The following TLN2 variants were observed in gnomAD, a reference collection of about 807,000 sequenced individuals.
TLN2 encodes talin-2.
A neutral mutation model predicts 294.7 loss-of-function variants in TLN2; 118 were observed. The observed-to-expected ratio is 0.40, with a 90% CI of 0.34 to 0.47. The LOEUF (loss-of-function observed/expected upper bound fraction) is 0.47, where lower values mean the gene tolerates loss of function less well. Ranked by LOEUF, TLN2 falls within the 20% of genes least tolerant of loss-of-function variation. The probability of loss-of-function intolerance (pLI) is 0.84; values close to 1 mark genes in which losing one functional copy is unlikely to be tolerated. For synonymous variants in TLN2, 1,431 were observed against 1,304.5 expected (o/e 1.10, Z -2.09); for missense variants, 3,083 against 3,282.2 (o/e 0.94, Z 1.48).
chr15:62,776,966 G>C (rs562368964), intron 43 of TLN2, 56 bp downstream of exon 43: 1 of 1,362,550 alleles, frequency 7.3e-7, no homozygotes, highest in Non-Finnish European at 9.5e-7. Flanking sequence ...CATGGGCCTC[G>C]CGTGCTTTTC....
Position 62,783,709 on chromosome 15 carries a change from A to G in TLN2, c.5617-62A>G, listed in dbSNP as rs2064384200. On this transcript the variant is annotated intron_variant, in intron 44 of 58. Coordinates refer to ENST00000636159, the MANE Select transcript of TLN2 (RefSeq NM_015059.3). ...CCAGTGATATTAACACATGGTTCTC[A>G]TGCGTTTCTCTCTGTGTGTGTGTGT... 4.8e-6 allele frequency: 7 copies of G among 1,472,262 alleles called. No homozygotes were observed. The East Asian group carries it at 1.7e-4, about 37-fold the overall frequency. 91.2% of individuals were successfully genotyped at this position (1,472,262 alleles called of 1,614,324 possible). A position where few individuals can be genotyped will look rare whatever the true frequency, so the allele number is the denominator to read the frequency against.
chr15:62,608,219 A>T (rs933163066), intron 2 of TLN2, among the ~76,000 whole-genome samples: 1 of 152,202 alleles, frequency 6.6e-6, no homozygotes, highest in East Asian at 1.9e-4. Flanking sequence ...TTGGAAAAGG[A>T]AAATATGTTT....
At chr15:62,693,598 T>G (rs1424226792) in intron 13 of TLN2, among the ~76,000 whole-genome samples, 1 of 30,476 alleles carries the variant, frequency 3.3e-5, no homozygotes, top group African/African-American at 6.4e-5. Flanking sequence ...ATCTTTGTAG[T>G]TTTCATGTTT....
intron 3 of TLN2, among the ~76,000 whole-genome samples, chr15:62,625,562 G>A (rs1345773625): frequency 6.6e-6 from 1 of 152,180 alleles, no homozygotes; most frequent in Non-Finnish European, 1.5e-5. Context: ...CTGCTCCAGA[G>A]CCAAGAGGAA....
At chr15:62,811,246 T>G (rs2066659613) in intron 52 of TLN2, among the ~76,000 whole-genome samples, 1 of 152,244 alleles carries the variant, frequency 6.6e-6, no homozygotes, top group African/African-American at 2.4e-5. Context: ...GTAGCCAGTC[T>G]GGGGTCACTA....
chr15:62,487,159 C>T (rs1208982811), intron 1 of TLN2, among the ~76,000 whole-genome samples: 2 of 152,202 alleles, frequency 1.3e-5, no homozygotes, highest in Non-Finnish European at 2.9e-5. Context: ...GATGATGGTC[C>T]AGGCTGCTGT....
chr15:62,711,524 A>G (rs1407964800), intron 21 of TLN2, among the ~76,000 whole-genome samples: 1 of 152,244 alleles, frequency 6.6e-6, no homozygotes, highest in Non-Finnish European at 1.5e-5. Flanking sequence ...TTCTTCAAAA[A>G]GTTTATTATA....
intron 1 of TLN2, among the ~76,000 whole-genome samples, chr15:62,477,365 C>T (rs1161982823): frequency 6.6e-6 from 1 of 152,174 alleles, no homozygotes; most frequent in Non-Finnish European, 1.5e-5. Flanking sequence ...GTGACTCTTG[C>T]TGAACTGCCT....
At position 62,722,393 on chromosome 15, in the gene TLN2, C is replaced by G; in HGVS notation, c.3032C>G (p.Pro1011Arg). ...GTGTCCTCTGCCAAAGCCGCAGTGC[C>G]CACCGTGAGTGACCAGGCCGCAGCC... is the stretch of plus-strand genomic sequence containing the variant. ...KMVSSAKAAV[P>R]TVSDQAAAMQ... Residue 1011 changes from proline to arginine, a missense_variant, in exon 26 of 59, where the codon CCC becomes CGC. Transcript: ENST00000636159. 1 of 1,613,258 alleles carries G rather than the reference C, an allele frequency of 6.2e-7. No individual in the cohort carries two copies. Among genetic ancestry groups the G allele is most frequent in the Non-Finnish European group, 8.5e-7 (1 of 1,179,476 alleles).
chr15:62,506,883 C>T (rs1451055550), intron 1 of TLN2, among the ~76,000 whole-genome samples: 1 of 152,172 alleles, frequency 6.6e-6, no homozygotes. Context: ...AGAATGCTTC[C>T]TTTTCCTCCA....
intron 3 of TLN2, among the ~76,000 whole-genome samples, chr15:62,641,338 C>T (rs1001334277): frequency 7.2e-5 from 11 of 152,066 alleles, no homozygotes; most frequent in South Asian, 2.1e-4. Context: ...AAGCCCAGGC[C>T]GGGCACGGTG....
At chr15:62,449,816 A>G (rs2036001072) in intron 1 of TLN2, among the ~76,000 whole-genome samples, 1 of 152,128 alleles carries the variant, frequency 6.6e-6, no homozygotes, top group Non-Finnish European at 1.5e-5. Context: ...TATGCAGAGA[A>G]AGGACAAGAG....
intron 32 of TLN2, among the ~76,000 whole-genome samples, chr15:62,741,132 G>A (rs1321096348): frequency 6.6e-6 from 1 of 152,108 alleles, no homozygotes; most frequent in Non-Finnish European, 1.5e-5. Flanking sequence ...AGAAAATACT[G>A]AAAAGCGTAA....
chr15:62,571,578 A>G (rs1452839807), intron 1 of TLN2, among the ~76,000 whole-genome samples: 1 of 152,176 alleles, frequency 6.6e-6, no homozygotes, highest in Non-Finnish European at 1.5e-5. Context: ...CTTTACCTTC[A>G]TGTGTTGCCT....
At chr15:62,527,755 G>A (rs1265777172) in intron 1 of TLN2, among the ~76,000 whole-genome samples, 2 of 152,154 alleles carry the variant, frequency 1.3e-5, no homozygotes, top group Non-Finnish European at 2.9e-5. Context: ...CTTATCCACT[G>A]CCAGCCTCTT....
At chr15:62,676,703 C>T (rs560318261) in intron 11 of TLN2, among the ~76,000 whole-genome samples, 20 of 152,310 alleles carry the variant, frequency 1.3e-4, no homozygotes, top group Non-Finnish European at 2.1e-4. Context: ...AAACCTCTGC[C>T]TCCTGGGTTC....
intron 2 of TLN2, among the ~76,000 whole-genome samples, chr15:62,612,205 A>G (rs991400439): frequency 2.0e-5 from 3 of 152,176 alleles, no homozygotes; most frequent in Admixed American, 6.5e-5. Context: ...TTCTACCTGT[A>G]TATCATCTTG....
intron 9 of TLN2, among the ~76,000 whole-genome samples, chr15:62,660,787 C>G (rs1202789820): frequency 6.6e-6 from 1 of 152,108 alleles, no homozygotes. Context: ...AGGGAAGATA[C>G]AAGGGAGATA....
In TLN2 at chr15:62,839,666, C is replaced by T. The variant is rs142216180; in HGVS notation, c.7500+685C>T. Among the ~76,000 whole-genome samples the T allele has an allele frequency of 5.3e-3, 802 of 152,254 alleles. 5 individuals are homozygous for T. The highest frequency in any genetic ancestry group is 0.012 in the Admixed American group (180 of 15,298). ...ATTTTAGGGGACTGTTTTATTTATC[C>T]GCATCAGGAGCACTGAAGTTATTCA... On this transcript the variant is annotated intron_variant, in intron 58 of 58. Transcript: ENST00000636159.
Sources: gnomAD v4.1 joint callset for allele counts (sites outside exome capture counted in the v4.1 genomes callset) on GRCh38, gnomAD v4.1.1 for gene constraint, MANE v1.5 for transcripts, NCBI Gene and HGNC (gene_info 2026-07-23, HGNC 2026-07-21) for gene names.